Variants in MDFIC observed in about 807,000 individuals in gnomAD.
The protein encoded by MDFIC is myoD family inhibitor domain-containing protein.
Under a neutral mutation model 23.2 loss-of-function variants are expected in MDFIC, and 17 were observed. That is an observed-to-expected ratio of 0.73 (90% CI 0.50 to 1.10). The LOEUF is 1.10. Among genes scored for constraint, MDFIC ranks in the 50% least tolerant of loss-of-function variants. The pLI, the probability that MDFIC is intolerant of heterozygous loss-of-function variation, is 0.00. For synonymous variants in MDFIC, 120 were observed against 115.2 expected (o/e 1.04, Z -0.27); for missense variants, 356 against 316.6 (o/e 1.12, Z -0.95).
intron 3 of MDFIC, among the ~76,000 whole-genome samples, chr7:114,977,721 T>G (rs1793343888): frequency 6.6e-6 from 1 of 152,062 alleles, no homozygotes; most frequent in South Asian, 2.1e-4. Flanking sequence ...AAATCATATT[T>G]GTTTGTGCTT....
At position 115,015,670 on chromosome 7, in the gene MDFIC, T is replaced by C. The variant is rs1791779987; in HGVS notation, c.494-18T>C. ...TCCTTTTTCTCACTATATGGTCTCCTCATCACTGAAAATGAAGATTGTTGT... is the reference window on the plus strand; with the variant it reads ...TCCTTTTTCTCACTATATGGTCTCCCCATCACTGAAAATGAAGATTGTTGT... On this transcript the variant is annotated intron_variant, in intron 4 of 4. Transcript: ENST00000393486. The C allele has an allele frequency of 1.2e-6, 2 of 1,612,858 alleles. No homozygotes were observed. The highest frequency in any genetic ancestry group is 1.3e-5 in the African/African-American group (1 of 75,062).
intron 4 of MDFIC, among the ~76,000 whole-genome samples, chr7:114,983,760 G>A (rs1793459965): frequency 6.6e-6 from 1 of 151,564 alleles, no homozygotes; most frequent in African/African-American, 2.4e-5. Context: ...TAGTAGAGAT[G>A]GGGTTTCACC....
At chr7:114,986,514 G>A (rs1420954411) in intron 4 of MDFIC, among the ~76,000 whole-genome samples, 2 of 152,116 alleles carry the variant, frequency 1.3e-5, no homozygotes, top group African/African-American at 4.8e-5. Context: ...ATCTTTCCTT[G>A]ACCTTACTAT....
chr7:114,952,383 T>C (rs955056732), intron 3 of MDFIC, among the ~76,000 whole-genome samples: 26 of 151,056 alleles, frequency 1.7e-4, no homozygotes, highest in African/African-American at 6.3e-4. Context: ...AATCCCTCTC[T>C]AGCAAGCTGA....
In MDFIC at chr7:114,922,625, GGGGATGCGGA is replaced by G; in HGVS notation, c.-116_-108+1del. On this transcript the variant is annotated splice_region_variant and 5_prime_UTR_variant, in exon 1 of 5. It removes an upstream start codon present in the reference 5' UTR. Coordinates refer to ENST00000393486, the MANE Select transcript of MDFIC (RefSeq NM_001166345.3). Reference sequence around the variant, plus strand: ...AGGAAGGGGCTTGGAGCGACTACGGGGGGATGCGGAGGTAGGTAGTGGTCTCCGGGCGGGG... The same window carrying G: ...AGGAAGGGGCTTGGAGCGACTACGGGGGTAGGTAGTGGTCTCCGGGCGGGG... 1 of 1,282,968 alleles carries G rather than the reference GGGGATGCGGA, an allele frequency of 7.8e-7. No homozygotes were observed. Among genetic ancestry groups the G allele is most frequent in the Non-Finnish European group, 9.9e-7 (1 of 1,008,622 alleles). 79.5% of individuals were successfully genotyped at this position (1,282,968 alleles called of 1,614,324 possible).
At chr7:114,993,704 G>A (rs1563151842) in intron 4 of MDFIC, among the ~76,000 whole-genome samples, 1 of 152,190 alleles carries the variant, frequency 6.6e-6, no homozygotes, top group Non-Finnish European at 1.5e-5. Flanking sequence ...TTGCGCTGTG[G>A]TCTGAGAGAC....
rs575378726 is a variant in MDFIC, at chr7:114,957,989, T to G, written c.217+15592T>G. Among the ~76,000 whole-genome samples the G allele has an allele frequency of 2.6e-5, 4 of 152,286 alleles. No homozygotes were observed. The South Asian group carries it at 8.3e-4, about 32-fold the overall frequency. The stretch of plus-strand genomic sequence containing the variant: ...TCATTTAATTATTAAAAGTTACTCT[T>G]TTATTAAAAAATGAGTCATGGACTT... On this transcript the variant is annotated intron_variant, in intron 3 of 4. Transcript: ENST00000393486.
chr7:115,016,143 A>G lies in MDFIC; in HGVS notation c.*208A>G, dbSNP rs1214770434. On this transcript the variant is annotated 3_prime_UTR_variant, in exon 5 of 5. Coordinates refer to ENST00000393486, the MANE Select transcript of MDFIC (RefSeq NM_001166345.3). The stretch of plus-strand genomic sequence containing the variant: ...TTTTAACTACTTTAACTAGTTTTAT[A>G]AATTTCTTAATATGTTACAATAACT... 1.9e-6 allele frequency: 1 copy of G among 524,000 alleles called. No homozygotes were observed. Among genetic ancestry groups the G allele is most frequent in the Non-Finnish European group, 3.3e-6 (1 of 302,744 alleles). The allele number at this position is 524,000 out of a possible 1,614,324, so 32.5% of individuals were successfully genotyped here.
At chr7:114,970,863 G>A (rs1051539878) in intron 3 of MDFIC, among the ~76,000 whole-genome samples, 2 of 152,180 alleles carry the variant, frequency 1.3e-5, no homozygotes, top group African/African-American at 4.8e-5. Flanking sequence ...TTGTACATGT[G>A]TGAATTGCAT....
At chr7:115,000,369 CT>C (rs1791437830) in intron 4 of MDFIC, among the ~76,000 whole-genome samples, 1 of 152,104 alleles carries the variant, frequency 6.6e-6, no homozygotes, top group African/African-American at 2.4e-5. Context: ...CTAATGACCC[CT>C]TCCTCAGAAT....
chr7:114,944,552 A>G (rs1394204889), intron 3 of MDFIC, among the ~76,000 whole-genome samples: 1 of 152,178 alleles, frequency 6.6e-6, no homozygotes, highest in Non-Finnish European at 1.5e-5. Flanking sequence ...ATAGCATTTG[A>G]AAGTTTTGTA....
chr7:114,984,421 AC>A (rs1377105177), intron 4 of MDFIC, among the ~76,000 whole-genome samples: 1 of 152,084 alleles, frequency 6.6e-6, no homozygotes, highest in African/African-American at 2.4e-5. Flanking sequence ...ATTTTATCCT[AC>A]CCTTCCTTGA....
chr7:114,969,520 G>A (rs553559538), intron 3 of MDFIC, among the ~76,000 whole-genome samples: 1 of 152,262 alleles, frequency 6.6e-6, no homozygotes, highest in Admixed American at 6.5e-5. Context: ...CAAATGCCCA[G>A]TATTGTCAAA....
intron 3 of MDFIC, among the ~76,000 whole-genome samples, chr7:114,957,693 CT>C (rs1246653684): frequency 1.3e-5 from 2 of 152,172 alleles, no homozygotes; most frequent in Non-Finnish European, 2.9e-5. Context: ...GCAATATCAG[CT>C]TTTTCTTTCA....
In MDFIC at chr7:114,972,530, G is replaced by A. The variant is rs538931341; in HGVS notation, c.218-6976G>A. Among the ~76,000 whole-genome samples the A allele has an allele frequency of 4.6e-4, 70 of 152,268 alleles. No homozygotes were observed. The Middle Eastern group carries it at 0.017, about 37-fold the overall frequency. ...GTCTTCAAATGGCAAAGTAAGGTGGGATGGATACTTTTTCTGCAAAACTAC... is the reference window on the plus strand; with the variant it reads ...GTCTTCAAATGGCAAAGTAAGGTGGAATGGATACTTTTTCTGCAAAACTAC... On this transcript the variant is annotated intron_variant, in intron 3 of 4. Coordinates refer to ENST00000393486, the MANE Select transcript of MDFIC (RefSeq NM_001166345.3).
chr7:114,996,310 T>C (rs1202496876), intron 4 of MDFIC, among the ~76,000 whole-genome samples: 1 of 152,038 alleles, frequency 6.6e-6, no homozygotes, highest in East Asian at 1.9e-4. Context: ...TTTGGGTTTA[T>C]TTTTAAGGCA....
intron 2 of MDFIC, among the ~76,000 whole-genome samples, chr7:114,929,072 TAGATAA>T (rs1792254895): frequency 7.7e-6 from 1 of 129,618 alleles, no homozygotes; most frequent in African/African-American, 2.8e-5. Context: ...TATAGATCTA[TAGATAA>T]ATATAGATCT....
At chr7:114,953,275 A>C (rs1341152973) in intron 3 of MDFIC, among the ~76,000 whole-genome samples, 1 of 152,224 alleles carries the variant, frequency 6.6e-6, no homozygotes, top group Non-Finnish European at 1.5e-5. Context: ...GTTGTCTTTT[A>C]AATTTATTAA....
chr7:114,929,074 G>C (rs1471453973), intron 2 of MDFIC, among the ~76,000 whole-genome samples: 1 of 7,202 alleles, frequency 1.4e-4, no homozygotes, highest in Admixed American at 2.1e-3. Flanking sequence ...TAGATCTATA[G>C]ATAAATATAG....
Sources: gnomAD v4.1 joint callset for allele counts (sites outside exome capture counted in the v4.1 genomes callset) on GRCh38, gnomAD v4.1.1 for gene constraint, MANE v1.5 for transcripts, NCBI Gene and HGNC (gene_info 2026-07-23, HGNC 2026-07-21) for gene names.